The following ESR2 variants were observed in gnomAD, a reference collection of about 807,000 sequenced individuals.
ESR2 encodes estrogen receptor 2.
Under a neutral mutation model 49.6 loss-of-function variants are expected in ESR2, and 36 were observed. That is an observed-to-expected ratio of 0.73 (90% CI 0.56 to 0.96). ESR2 has a LOEUF of 0.96. ESR2 is among the 40% of genes least tolerant of loss of function. The probability of loss-of-function intolerance (pLI) is 0.00; values close to 1 mark genes in which losing one functional copy is unlikely to be tolerated. For missense variants in ESR2, 714 were observed against 693.0 expected, an observed-to-expected ratio of 1.03 and a Z score of -0.34; for synonymous variants, 320 against 266.1, an observed-to-expected ratio of 1.20 and a Z score of -1.97.
At position 64,301,978 on chromosome 14, in the gene ESR2, C is replaced by T. The variant is rs549799376; in HGVS notation, c.-90-18903G>A. ...CTCTGAGGGTAGAGAAGACAGTGAA[C>T]GGATTAAATGCCTGCCTGGAGTGTG... is the stretch of plus-strand genomic sequence containing the variant. On this transcript the variant is annotated intron_variant, in intron 1 of 8. Coordinates refer to the ESR2 transcript ENST00000358599. Among the ~76,000 whole-genome samples, 29 of 151,790 alleles carry T rather than the reference C, an allele frequency of 1.9e-4. No homozygotes were observed. The South Asian group carries it at 5.0e-3, about 26-fold the overall frequency.
chr14:64,234,379 C>T (rs770724144), intron 8 of ESR2: 1 of 153,394 alleles, frequency 6.5e-6, no homozygotes, highest in Non-Finnish European at 1.5e-5. Flanking sequence ...ATTGTACCAA[C>T]AGTAGCCACC....
chr14:64,308,342 T>C (rs1409775681), intron 1 of ESR2, among the ~76,000 whole-genome samples: 1 of 152,194 alleles, frequency 6.6e-6, no homozygotes, highest in Non-Finnish European at 1.5e-5. Context: ...CATTTAGTGC[T>C]ACAAGACTCC....
At chr14:64,238,725 T>G (rs1222885234) in intron 7 of ESR2, among the ~76,000 whole-genome samples, 3 of 150,820 alleles carry the variant, frequency 2.0e-5, no homozygotes, top group African/African-American at 7.4e-5. Flanking sequence ...AAAATTAAAT[T>G]ACTTTTGATG....
chr14:64,263,175 T>C (rs2076254819), intron 4 of ESR2, among the ~76,000 whole-genome samples: 1 of 152,142 alleles, frequency 6.6e-6, no homozygotes, highest in East Asian at 1.9e-4. Context: ...GTAAGAGATA[T>C]ACCTAACATA....
chr14:64,301,481 T>G (rs1019162885), intron 1 of ESR2: 1 of 152,278 alleles, frequency 6.6e-6, no homozygotes, highest in African/African-American at 2.4e-5. Flanking sequence ...ACTTTAGCAC[T>G]GTGGAAGCTT....
At chr14:64,298,024 T>C (rs1403274372), upstream of ESR2, among the ~76,000 whole-genome samples, 1 of 152,188 alleles carries the variant, frequency 6.6e-6, no homozygotes, top group East Asian at 1.9e-4. Flanking sequence ...AACACCTTTT[T>C]TTGGTGGTGA....
At chr14:64,337,159 T>A (rs1314761145) in intron 1 of ESR2, among the ~76,000 whole-genome samples, 1 of 152,194 alleles carries the variant, frequency 6.6e-6, no homozygotes, top group Non-Finnish European at 1.5e-5. Context: ...TTCACACTCA[T>A]CAGTACCATG....
At chr14:64,291,123 G>A (rs969722361) in intron 1 of ESR2, among the ~76,000 whole-genome samples, 4 of 152,172 alleles carry the variant, frequency 2.6e-5, no homozygotes, top group Non-Finnish European at 4.4e-5. Flanking sequence ...AGAGAATTCC[G>A]AGTGAAGGGA....
chr14:64,317,308 A>G (rs1567799781), intron 1 of ESR2, among the ~76,000 whole-genome samples: 1 of 152,170 alleles, frequency 6.6e-6, no homozygotes, highest in Non-Finnish European at 1.5e-5. Flanking sequence ...GATAATTTAC[A>G]AAGAAAATAG....
At chr14:64,238,065 A>G (rs185004834) in intron 7 of ESR2, among the ~76,000 whole-genome samples, 3 of 152,370 alleles carry the variant, frequency 2.0e-5, no homozygotes, top group East Asian at 3.9e-4. Flanking sequence ...GTTACTAAAA[A>G]TAATAGTAAT....
rs1268281817 is a variant in ESR2, at chr14:64,282,720, A to G, written c.266T>C (p.Leu89Ser). ...ATGTGATAACTGGCGATGGACCACT[A>G]AAGGAGAAAGGTGCCCAGGTGTTGG... ...LWPTPGHLSP[L>S]VVHRQLSHLY... The change falls in exon 2 of 9, where the codon TTA (leucine) becomes TCA (serine). Residue 89 changes from leucine to serine, a missense_variant. Physicochemically the swap from Leu to Ser is moderately radical, Grantham distance 145. Transcript: ENST00000341099. The G allele has an allele frequency of 1.9e-6, 3 of 1,614,082 alleles. No homozygotes were observed. Among genetic ancestry groups the G allele is most frequent in the Non-Finnish European group, 8.5e-7 (1 of 1,180,026 alleles).
intron 1 of ESR2, among the ~76,000 whole-genome samples, chr14:64,319,784 T>C (rs778094793): frequency 1.3e-5 from 2 of 152,190 alleles, no homozygotes; most frequent in Non-Finnish European, 2.9e-5. Flanking sequence ...CACCAAATGC[T>C]GGTGAGGATG....
chr14:64,240,107 G>A (rs1406515422), intron 7 of ESR2, among the ~76,000 whole-genome samples: 2 of 152,190 alleles, frequency 1.3e-5, no homozygotes, highest in African/African-American at 4.8e-5. Context: ...GCATAACCCA[G>A]AAATGGGCAG....
chr14:64,247,220 C>T lies in ESR2; in HGVS notation c.1225+2326G>A, dbSNP rs374964821. ...ATGTGATAACTAATAATATTATAAACTAGGACTTGTATTTTACACTTTTAT... is the reference window on the plus strand; with the variant it reads ...ATGTGATAACTAATAATATTATAAATTAGGACTTGTATTTTACACTTTTAT... On this transcript the variant is annotated intron_variant, in intron 7 of 8. Coordinates refer to ENST00000341099, the MANE Select transcript of ESR2 (RefSeq NM_001437.3). Among the ~76,000 whole-genome samples, 16 of 152,322 alleles carry T rather than the reference C, an allele frequency of 1.1e-4. No individual in the cohort carries two copies. The East Asian group carries it at 2.5e-3, about 24-fold the overall frequency.
Position 64,260,589 on chromosome 14 carries a change from G to T in ESR2, c.812C>A (p.Thr271Asn), listed in dbSNP as rs748286878. 6.2e-7 allele frequency: 1 copy of T among 1,609,788 alleles called. No homozygotes were observed. The highest frequency in any genetic ancestry group is 1.1e-5 in the South Asian group (1 of 90,598). The change falls in exon 5 of 9, where the codon ACC becomes AAC. Residue 271 changes from threonine to asparagine, a missense_variant. Coordinates refer to ENST00000341099, the MANE Select transcript of ESR2 (RefSeq NM_001437.3). ...DALSPEQLVL[T>N]LLEAEPPHVL... The stretch of plus-strand genomic sequence containing the variant: ...ATGGGGCGGCTCAGCCTCCAGGAGG[G>T]TGAGCACTAGCTGCTCGGGGCTCAG...
chr14:64,333,687 C>T lies in ESR2; in HGVS notation c.-91+4211G>A, dbSNP rs548143586. Among the ~76,000 whole-genome samples the T allele has an allele frequency of 2.1e-3, 314 of 152,220 alleles. 1 individual carries two copies. Among genetic ancestry groups the T allele is most frequent in the African/African-American group, 7.2e-3 (299 of 41,530 alleles). On this transcript the variant is annotated intron_variant, in intron 1 of 8. Transcript: ENST00000358599. ...GAGGGGAAATCCCTAATAAAACCAT[C>T]CCATGAGACTTATTCACTACGACGA...
intron 1 of ESR2, among the ~76,000 whole-genome samples, chr14:64,318,105 G>T (rs916185822): frequency 3.3e-5 from 5 of 152,084 alleles, no homozygotes; most frequent in African/African-American, 9.7e-5. Context: ...GAATCCCAAA[G>T]AATTGACTTT....
At chr14:64,297,248 T>C (rs1488023330), upstream of ESR2, among the ~76,000 whole-genome samples, 1 of 152,220 alleles carries the variant, frequency 6.6e-6, no homozygotes, top group Non-Finnish European at 1.5e-5. Context: ...TTATATATGA[T>C]GGGTAATATT....
At chr14:64,304,512 G>A (rs1462104939) in intron 1 of ESR2, among the ~76,000 whole-genome samples, 1 of 152,120 alleles carries the variant, frequency 6.6e-6, no homozygotes, top group Non-Finnish European at 1.5e-5. Flanking sequence ...CACCTCTCAA[G>A]GCTCAGAATA....
Sources: gnomAD v4.1 joint callset for allele counts (sites outside exome capture counted in the v4.1 genomes callset) on GRCh38, gnomAD v4.1.1 for gene constraint, MANE v1.5 for transcripts, NCBI Gene and HGNC (gene_info 2026-07-23, HGNC 2026-07-21) for gene names.